The following PPP3CB variants were observed in gnomAD, a reference collection of about 807,000 sequenced individuals.
The protein encoded by PPP3CB is protein phosphatase 3 catalytic subunit beta.
In PPP3CB, 8 loss-of-function variants were observed where a neutral mutation model predicts 66.4. The observed-to-expected ratio is 0.12, with a 90% CI of 0.07 to 0.22. The LOEUF is 0.22. Among genes scored for constraint, PPP3CB ranks in the 10% least tolerant of loss-of-function variants. The probability of loss-of-function intolerance (pLI) is 1.00; values close to 1 mark genes in which losing one functional copy is unlikely to be tolerated. For synonymous variants in PPP3CB, 208 were observed against 221.2 expected, an observed-to-expected ratio of 0.94 and a Z score of 0.53; for missense variants, 319 against 642.5, an observed-to-expected ratio of 0.50 and a Z score of 5.44.
chr10:73,455,837 TG>T, intron 9 of PPP3CB, among the ~76,000 whole-genome samples: 1 of 152,240 alleles, frequency 6.6e-6, no homozygotes. Context: ...CCCAAAGTGC[TG>T]GGATTACAGG....
intron 9 of PPP3CB, among the ~76,000 whole-genome samples, chr10:73,464,042 G>A (rs996952649): frequency 1.3e-5 from 2 of 152,050 alleles, no homozygotes; most frequent in Admixed American, 6.5e-5. Flanking sequence ...GCAATTCTCT[G>A]CCTGAGCCTC....
At chr10:73,441,238 T>A (rs933855346) in intron 12 of PPP3CB, among the ~76,000 whole-genome samples, 2 of 152,234 alleles carry the variant, frequency 1.3e-5, no homozygotes, top group Admixed American at 6.5e-5. Context: ...GTAAAGTGAA[T>A]TGGGGACCCA....
chr10:73,468,427 G>A (rs1398692231), intron 8 of PPP3CB, among the ~76,000 whole-genome samples: 1 of 152,112 alleles, frequency 6.6e-6, no homozygotes, highest in Non-Finnish European at 1.5e-5. Flanking sequence ...GGGTTAGAAG[G>A]GCTGGATTCT....
At chr10:73,439,791 G>C (rs2056117317) in intron 13 of PPP3CB, 81 bp downstream of exon 13, 3 of 1,488,082 alleles carry the variant, frequency 2.0e-6, no homozygotes, top group Non-Finnish European at 2.8e-6. Flanking sequence ...AAAGCTAGGA[G>C]TAAAACACAC....
intron 9 of PPP3CB, among the ~76,000 whole-genome samples, chr10:73,461,622 A>G (rs1442904438): frequency 6.6e-6 from 1 of 152,182 alleles, no homozygotes. Context: ...TTACAGGTTC[A>G]TAGGTAGAAG....
chr10:73,470,592 A>G, intron 8 of PPP3CB, 95 bp downstream of exon 8: 1 of 700,928 alleles, frequency 1.4e-6, no homozygotes. Flanking sequence ...TCTGGATACT[A>G]ATAGTTTCAA....
intron 1 of PPP3CB, among the ~76,000 whole-genome samples, chr10:73,487,364 A>G (rs895895970): frequency 1.3e-5 from 2 of 152,090 alleles, no homozygotes; most frequent in Non-Finnish European, 2.9e-5. Context: ...CCTGGCCAAC[A>G]TGGCGAAATC....
intron 1 of PPP3CB, among the ~76,000 whole-genome samples, chr10:73,493,646 T>C (rs1013524875): frequency 6.6e-6 from 1 of 152,210 alleles, no homozygotes; most frequent in African/African-American, 2.4e-5. Flanking sequence ...TTAAAACATA[T>C]AATCCATACA....
intron 9 of PPP3CB, among the ~76,000 whole-genome samples, chr10:73,462,533 G>T (rs1016282723): frequency 1.3e-4 from 20 of 152,206 alleles, no homozygotes; most frequent in African/African-American, 4.8e-4. Context: ...GGAGAAAATG[G>T]ATGGCTGGAT....
chr10:73,457,278 A>G (rs1175252829), intron 9 of PPP3CB, among the ~76,000 whole-genome samples: 1 of 148,926 alleles, frequency 6.7e-6, no homozygotes, highest in Non-Finnish European at 1.5e-5. Context: ...AAAAAAAAAA[A>G]AAAAAAAAAA....
chr10:73,445,616 T>G (rs902516330), intron 11 of PPP3CB, among the ~76,000 whole-genome samples: 1 of 151,798 alleles, frequency 6.6e-6, no homozygotes, highest in African/African-American at 2.4e-5. Context: ...CGGCTAATTT[T>G]TGTATTCTTT....
intron 1 of PPP3CB, among the ~76,000 whole-genome samples, chr10:73,482,202 AT>A (rs200623450): frequency 2.6e-3 from 376 of 145,330 alleles, no homozygotes; most frequent in Admixed American, 2.2e-3. Context: ...AGGTCAGAGA[AT>A]TTTTTTTTTT....
intron 1 of PPP3CB, among the ~76,000 whole-genome samples, chr10:73,487,890 C>T (rs1049630727): frequency 8.6e-5 from 13 of 151,740 alleles, no homozygotes; most frequent in African/African-American, 2.9e-4. Flanking sequence ...AGCGATTCTC[C>T]CTACCTCAGC....
At chr10:73,441,830 A>G (rs1185944348) in intron 12 of PPP3CB, among the ~76,000 whole-genome samples, 1 of 152,222 alleles carries the variant, frequency 6.6e-6, no homozygotes, top group Non-Finnish European at 1.5e-5. Context: ...CACCTCCAAT[A>G]GAGTTGTGCA....
intron 12 of PPP3CB, chr10:73,443,734 T>C (rs908531726): frequency 1.2e-4 from 18 of 152,228 alleles, no homozygotes; most frequent in African/African-American, 4.3e-4. Flanking sequence ...CACAAATATT[T>C]ACGCCAAAAA....
chr10:73,494,801 A>C (rs2057152877), intron 1 of PPP3CB, among the ~76,000 whole-genome samples: 1 of 152,232 alleles, frequency 6.6e-6, no homozygotes, highest in South Asian at 2.1e-4. Context: ...TATTTTAAAA[A>C]TAAATACAAT....
intron 4 of PPP3CB, among the ~76,000 whole-genome samples, chr10:73,473,747 TA>T (rs1470289765): frequency 0.016 from 2,490 of 152,194 alleles, 64 homozygotes; most frequent in African/African-American, 0.057. Flanking sequence ...TACTTACAGG[TA>T]TTAGATTACC....
At chr10:73,491,026 T>TG (rs1243550289) in intron 1 of PPP3CB, among the ~76,000 whole-genome samples, 1 of 106,548 alleles carries the variant, frequency 9.4e-6, no homozygotes, top group Non-Finnish European at 1.8e-5. Flanking sequence ...TTTATTGTTT[T>TG]TTTTTTTTTT....
Position 73,471,130 on chromosome 10 carries a change from T to C in PPP3CB, c.749A>G (p.Asn250Ser), listed in dbSNP as rs200953530. ...LWSDPSEDFGNEKSQEHFSHN... is the reference protein window; with the variant it reads ...LWSDPSEDFGSEKSQEHFSHN... ...ACTAAAATGTTCCTGTGATTTTTCA[T>C]TTCCAAAATCTTCAGAAGGATCGGA... The change falls in exon 6 of 14, where the codon AAT becomes AGT. Residue 250 changes from asparagine to serine, a missense_variant. Physicochemically the swap from Asn to Ser is conservative, Grantham distance 46. Coordinates refer to ENST00000360663, the MANE Select transcript of PPP3CB (RefSeq NM_021132.4). 2 of 1,612,238 alleles carry C rather than the reference T, an allele frequency of 1.2e-6. No individual in the cohort carries two copies. Among genetic ancestry groups the C allele is most frequent in the Non-Finnish European group, 1.7e-6 (2 of 1,178,412 alleles).
Sources: allele counts gnomAD v4.1 joint callset (sites outside exome capture counted in the v4.1 genomes callset), GRCh38; gene constraint gnomAD v4.1.1; transcripts MANE v1.5; gene names NCBI Gene and HGNC (gene_info 2026-07-23, HGNC 2026-07-21).